The following TCF25 variants were observed in gnomAD, a reference collection of about 807,000 sequenced individuals.
TCF25 encodes the protein TCF25 ribosome quality control complex subunit, also known as ribosome quality control complex subunit TCF25.
A neutral mutation model predicts 83.1 loss-of-function variants in TCF25; 41 were observed. The observed-to-expected ratio is 0.49, with a 90% CI of 0.38 to 0.64. The LOEUF (loss-of-function observed/expected upper bound fraction) is 0.64. Ranked by LOEUF, TCF25 falls within the 30% of genes least tolerant of loss-of-function variation. TCF25 has a pLI of 0.00. For missense variants in TCF25, 979 were observed against 914.5 expected (o/e 1.07, Z -0.91); for synonymous variants, 458 against 365.0 (o/e 1.25, Z -2.90).
chr16:89,889,218 T>C lies in TCF25; in HGVS notation c.614+1501T>C, dbSNP rs904550434. On this transcript the variant is annotated intron_variant, in intron 5 of 17. Coordinates refer to ENST00000263346, the MANE Select transcript of TCF25 (RefSeq NM_014972.3). ...TTTTATTTATTTATTTTTATTTTTT[T>C]ATTTTTTAGAGACAGGGTCTTGCTG... 2.8e-5 allele frequency: 11 copies of C among 397,014 alleles called. 1 individual carries two copies. In the Admixed American group the frequency reaches 3.3e-4, roughly 12 times the overall value. 24.6% of individuals were successfully genotyped at this position (397,014 alleles called of 1,614,324 possible). A position where few individuals can be genotyped will look rare whatever the true frequency, so the allele number is the denominator to read the frequency against.
At chr16:89,896,465 T>C (rs1005596809) in intron 9 of TCF25, among the ~76,000 whole-genome samples, 3 of 151,910 alleles carry the variant, frequency 2.0e-5, no homozygotes, top group African/African-American at 4.8e-5. Context: ...CCCAGCACTT[T>C]GGGAGGCCGA....
intron 2 of TCF25, 97 bp from the exon 3 acceptor site, chr16:89,884,485 C>A: frequency 7.9e-7 from 1 of 1,265,938 alleles, no homozygotes; most frequent in Non-Finnish European, 1.1e-6. Context: ...GAGGTAGGGG[C>A]TGCTTAGGTG....
intron 12 of TCF25, 154 bp downstream of exon 12, chr16:89,900,948 C>A: frequency 1.1e-6 from 1 of 906,974 alleles, no homozygotes; most frequent in Non-Finnish European, 1.5e-6. Context: ...CCTACCAAAC[C>A]TGAAAGAGGG....
At chr16:89,887,872 T>A (rs1033915735) in intron 5 of TCF25, among the ~76,000 whole-genome samples, 155 bp downstream of exon 5, 14 of 152,030 alleles carry the variant, frequency 9.2e-5, no homozygotes, top group Admixed American at 5.2e-4. Context: ...TGAATGGGAG[T>A]CCACAGATTG....
intron 1 of TCF25, among the ~76,000 whole-genome samples, 184 bp from the exon 2 acceptor site, chr16:89,883,167 T>C (rs1022103336): frequency 6.6e-6 from 1 of 152,194 alleles, no homozygotes; most frequent in Non-Finnish European, 1.5e-5. Context: ...AAAGTCCCCC[T>C]GAGCCAGAGC....
At chr16:89,892,158 G>T in intron 5 of TCF25, 35 bp from the exon 6 acceptor site, 1 of 1,564,628 alleles carries the variant, frequency 6.4e-7, no homozygotes. Flanking sequence ...CACGCCACAG[G>T]AAGTAAAGCT....
chr16:89,880,469 A>G (rs1019268699), intron 1 of TCF25, among the ~76,000 whole-genome samples: 1 of 152,278 alleles, frequency 6.6e-6, no homozygotes, highest in Middle Eastern at 3.4e-3. Context: ...CTGTAGTCCC[A>G]GTTACTCGGG....
chr16:89,909,011 C>G (rs1185302922), intron 16 of TCF25: 3 of 1,289,552 alleles, frequency 2.3e-6, no homozygotes, highest in Non-Finnish European at 3.0e-6. Context: ...GGTCACAGCT[C>G]TGCGTTTGCA....
rs977396904 is a variant in TCF25, at chr16:89,873,598, A to T, written c.-70A>T. 2 of 977,664 alleles carry T rather than the reference A, an allele frequency of 2.0e-6. No homozygotes were observed. The highest frequency in any genetic ancestry group is 2.7e-6 in the Non-Finnish European group (2 of 745,360). The allele number at this position is 977,664 out of a possible 1,614,324, so 60.6% of individuals were successfully genotyped here. On this transcript the variant is annotated 5_prime_UTR_variant, in exon 1 of 18. Transcript: ENST00000263346. ...CCCCGACCCCGCGCGAAGAGTGCGC[A>T]GGCGCGCCGACAGCCGAGTTTTCTG...
rs377036991 is a variant in TCF25, at chr16:89,895,125, C to T, written c.916C>T (p.Arg306Ter). ...CTTTCAAGAGGATCAGGAGATGGCT[C>T]GAGACCTCGTAGGTAAGGCAGAGCC... ...CRFQEDQEMA[R>*]DLVERALYSM... The change falls in exon 8 of 18, where the codon CGA becomes TGA. Residue 306 changes from arginine (R) to a stop codon, truncating the protein, a stop_gained. Transcript: ENST00000263346. LOFTEE classifies it high-confidence loss of function. 6.2e-7 allele frequency: 1 copy of T among 1,612,608 alleles called. No individual in the cohort carries two copies. Among genetic ancestry groups the T allele is most frequent in the African/African-American group, 1.3e-5 (1 of 75,008 alleles).
chr16:89,896,752 C>T (rs548742810), intron 9 of TCF25, among the ~76,000 whole-genome samples: 2 of 152,152 alleles, frequency 1.3e-5, no homozygotes, highest in Admixed American at 1.3e-4. Flanking sequence ...GACGAGGTTT[C>T]ACTGTGTTGG....
At chr16:89,903,051 C>A (rs1049512111) in intron 12 of TCF25, among the ~76,000 whole-genome samples, 1 of 152,222 alleles carries the variant, frequency 6.6e-6, no homozygotes, top group African/African-American at 2.4e-5. Flanking sequence ...GCACCTTTGT[C>A]CTCCTCTGGG....
Position 89,875,973 on chromosome 16 carries a change from GCTTGTTCTTTTAA to G in TCF25, c.192+2115_192+2127del, listed in dbSNP as rs2042161007. The stretch of plus-strand genomic sequence containing the variant: ...ACTACAGCATACCCTACCATGCTCA[GCTTGTTCTTTTAA>G]TGCTTTTTTTTTCCCATTTAAATAT... On this transcript the variant is annotated intron_variant, in intron 1 of 17. Transcript: ENST00000263346. Among the ~76,000 whole-genome samples, 7 of 151,500 alleles carry G rather than the reference GCTTGTTCTTTTAA, an allele frequency of 4.6e-5. No homozygotes were observed. In the South Asian group the frequency reaches 1.3e-3, roughly 27 times the overall value.
At chr16:89,887,621 T>C (rs1371944993) in intron 4 of TCF25, 31 bp from the exon 5 acceptor site, 8 of 1,563,020 alleles carry the variant, frequency 5.1e-6, no homozygotes, top group Non-Finnish European at 6.0e-6. Flanking sequence ...CATAATTTCA[T>C]GTTTTTTTTC....
At position 89,911,281 on chromosome 16, in the gene TCF25, G is replaced by A. The variant is rs73265881; in HGVS notation, c.*43G>A. 13,531 of 1,601,878 alleles carry A rather than the reference G, an allele frequency of 8.4e-3. 959 individuals are homozygous for A. In the African/African-American group the frequency reaches 0.16, roughly 19 times the overall value. On this transcript the variant is annotated 3_prime_UTR_variant, in exon 18 of 18. Transcript: ENST00000263346. ...CGAAAAGCCGTATGATGATGTTCCC[G>A]ATTTCTCTGTTGGTCGGAGTCGGCC...
intron 1 of TCF25, among the ~76,000 whole-genome samples, chr16:89,877,043 A>G (rs1002761864): frequency 1.3e-5 from 2 of 151,902 alleles, no homozygotes; most frequent in Non-Finnish European, 1.5e-5. Context: ...TGGAGGTTGC[A>G]ATGAACTGAG....
intron 5 of TCF25, among the ~76,000 whole-genome samples, chr16:89,888,023 T>C (rs1039625704): frequency 3.3e-5 from 5 of 152,092 alleles, no homozygotes; most frequent in African/African-American, 1.2e-4. Flanking sequence ...CCCAGCACTT[T>C]GGGAGGCTGA....
intron 5 of TCF25, among the ~76,000 whole-genome samples, chr16:89,891,498 C>T (rs1424288628): frequency 4.6e-5 from 7 of 152,214 alleles, no homozygotes; most frequent in South Asian, 2.1e-4. Context: ...TCTGTGCTGC[C>T]GCGGCTGCCA....
intron 9 of TCF25, among the ~76,000 whole-genome samples, chr16:89,897,085 T>C (rs2043921183): frequency 6.6e-6 from 1 of 151,760 alleles, no homozygotes; most frequent in Non-Finnish European, 1.5e-5. Context: ...ATCTCCACAG[T>C]GGGCTCTGCA....
Sources: allele counts gnomAD v4.1 joint callset (sites outside exome capture counted in the v4.1 genomes callset), GRCh38; gene constraint gnomAD v4.1.1; transcripts MANE v1.5; gene names NCBI Gene and HGNC (gene_info 2026-07-23, HGNC 2026-07-21).